Variants in KCNH1 observed in about 807,000 individuals in gnomAD.
KCNH1 encodes voltage-gated delayed rectifier potassium channel KCNH1.
In KCNH1, 27 loss-of-function variants were observed where a neutral mutation model predicts 69.2. That is an observed-to-expected ratio of 0.39 (90% CI 0.29 to 0.54). The LOEUF is 0.54. Among genes scored for constraint, KCNH1 ranks in the 20% least tolerant of loss-of-function variants. KCNH1 has a pLI of 0.68. For synonymous variants in KCNH1, 456 were observed against 487.7 expected, an observed-to-expected ratio of 0.93 and a Z score of 0.86; for missense variants, 798 against 1,261.6, an observed-to-expected ratio of 0.63 and a Z score of 5.57.
At chr1:211,087,625 ACAC>A in intron 4 of KCNH1, among the ~76,000 whole-genome samples, 1 of 100,266 alleles carries the variant, frequency 1.0e-5, no homozygotes, top group Non-Finnish European at 2.2e-5. Context: ...ACACACACAC[ACAC>A]ACACACACAC....
At chr1:210,968,051 T>C (rs915409156) in intron 6 of KCNH1, among the ~76,000 whole-genome samples, 12 of 151,468 alleles carry the variant, frequency 7.9e-5, no homozygotes, top group African/African-American at 9.7e-5. Context: ...CAGAGTGTGA[T>C]ATTCCCCTTC....
intron 5 of KCNH1, among the ~76,000 whole-genome samples, chr1:211,047,275 TATAGGC>T (rs1479058346): frequency 3.9e-5 from 6 of 152,122 alleles, no homozygotes; most frequent in Admixed American, 6.5e-5. Flanking sequence ...CTTAAACAAA[TATAGGC>T]ATTGGTCTCA....
At chr1:211,034,314 A>T (rs2102425973) in intron 5 of KCNH1, among the ~76,000 whole-genome samples, 1 of 152,298 alleles carries the variant, frequency 6.6e-6, no homozygotes, top group Admixed American at 6.5e-5. Context: ...AGACTGAAAA[A>T]AAAACCTCAA....
At chr1:210,806,836 A>ATATATATATATAT (rs59113939) in intron 7 of KCNH1, among the ~76,000 whole-genome samples, 2 of 85,594 alleles carry the variant, frequency 2.3e-5, no homozygotes, top group Admixed American at 1.3e-4. Flanking sequence ...AAAAAAAAAA[A>ATATATATATATAT]ATATATATAT....
chr1:210,946,535 T>G (rs1163957973), intron 6 of KCNH1, among the ~76,000 whole-genome samples: 1 of 152,214 alleles, frequency 6.6e-6, no homozygotes, highest in Non-Finnish European at 1.5e-5. Flanking sequence ...AGAAATGTAC[T>G]GCACAGCCTT....
chr1:210,922,891 A>G (rs531560689), intron 6 of KCNH1, among the ~76,000 whole-genome samples: 2 of 152,120 alleles, frequency 1.3e-5, no homozygotes, highest in Non-Finnish European at 2.9e-5. Flanking sequence ...CCTACTCTCC[A>G]CCTCCTCATA....
At chr1:210,962,082 T>C (rs1021662588) in intron 6 of KCNH1, among the ~76,000 whole-genome samples, 6 of 152,164 alleles carry the variant, frequency 3.9e-5, no homozygotes, top group Non-Finnish European at 8.8e-5. Context: ...TTTGCAGCTC[T>C]CTGCAACTTT....
intron 10 of KCNH1, among the ~76,000 whole-genome samples, chr1:210,690,504 T>G (rs1480331447): frequency 6.6e-6 from 1 of 152,092 alleles, no homozygotes; most frequent in Non-Finnish European, 1.5e-5. Flanking sequence ...CCCTGCCTGG[T>G]TTTATGGCAG....
At chr1:210,775,205 C>T (rs910841006) in intron 10 of KCNH1, 143 bp downstream of exon 10, 13 of 685,096 alleles carry the variant, frequency 1.9e-5, no homozygotes, top group South Asian at 4.0e-5. Flanking sequence ...GCAAAAGCCC[C>T]GCAGAGCAAA....
chr1:211,122,841 G>A (rs1175042295), intron 1 of KCNH1, among the ~76,000 whole-genome samples: 1 of 152,120 alleles, frequency 6.6e-6, no homozygotes, highest in African/African-American at 2.4e-5. Flanking sequence ...GGGGGTAGAA[G>A]GGAGAGAGCT....
rs996923260 is a variant in KCNH1 at position 210,958,704 on chromosome 1, C to G, written c.1033-38635G>C. On this transcript the variant is annotated intron_variant, in intron 6 of 10. Transcript: ENST00000271751. ...CCTTTCTTCCACTTGATCAAATTGG[C>G]TACTGAAGCTTGCGCATGCATCACA... 2.0e-5 allele frequency among the ~76,000 whole-genome samples: 3 copies of G among 152,200 alleles called. No homozygotes were observed. The East Asian group carries it at 5.8e-4, about 29-fold the overall frequency.
intron 7 of KCNH1, among the ~76,000 whole-genome samples, chr1:210,868,692 T>C (rs1285067539): frequency 6.6e-6 from 1 of 152,072 alleles, no homozygotes; most frequent in East Asian, 1.9e-4. Flanking sequence ...ATTTCCCTTT[T>C]ATAGTCACAC....
Position 210,683,002 on chromosome 1 carries a change from T to A in KCNH1, c.*279A>T. ...TACAAATATCATGGTAGTAAAAAAT[T>A]AAAAATGAAGGAAAATACCCTTTAG... On this transcript the variant is annotated 3_prime_UTR_variant, in exon 11 of 11. Coordinates refer to ENST00000271751, the MANE Select transcript of KCNH1 (RefSeq NM_172362.3). This position sits in a 1 kb window ranked among gnomAD's most constrained non-coding sequence, Gnocchi z 5.7. 5.1e-6 allele frequency: 2 copies of A among 393,220 alleles called. No homozygotes were observed. The highest frequency in any genetic ancestry group is 4.2e-5 in the Admixed American group (1 of 23,876). 24.4% of individuals were successfully genotyped at this position (393,220 alleles called of 1,614,324 possible).
intron 3 of KCNH1, among the ~76,000 whole-genome samples, chr1:211,102,404 A>C (rs1691274024): frequency 6.6e-6 from 1 of 152,148 alleles, no homozygotes; most frequent in Non-Finnish European, 1.5e-5. Context: ...AGCCCTTCAC[A>C]GTCTTTCCCT....
intron 5 of KCNH1, among the ~76,000 whole-genome samples, chr1:211,048,443 C>T (rs1319148233): frequency 6.6e-6 from 1 of 152,126 alleles, no homozygotes; most frequent in Non-Finnish European, 1.5e-5. Context: ...AAATGCCCAT[C>T]AGTCAACAAA....
intron 7 of KCNH1, chr1:210,859,259 A>G (rs1332422151): frequency 6.8e-6 from 11 of 1,610,048 alleles, no homozygotes; most frequent in Middle Eastern, 1.6e-4. Flanking sequence ...ATGCTTCTCA[A>G]TCATTTTGGA....
chr1:210,698,530 C>T (rs559590564), intron 10 of KCNH1, among the ~76,000 whole-genome samples: 1 of 152,246 alleles, frequency 6.6e-6, no homozygotes, highest in East Asian at 1.9e-4. Context: ...AAATAAGAAA[C>T]AGCAAGAGAA....
intron 6 of KCNH1, among the ~76,000 whole-genome samples, chr1:210,970,917 C>A (rs1688500588): frequency 6.6e-6 from 1 of 152,046 alleles, no homozygotes; most frequent in Non-Finnish European, 1.5e-5. Context: ...CCAGAATTTA[C>A]AAGGAACTTA....
At chr1:210,890,920 G>A (rs139659247) in intron 7 of KCNH1, among the ~76,000 whole-genome samples, 2,549 of 152,280 alleles carry the variant, frequency 0.017, 67 homozygotes, top group African/African-American at 0.059. Flanking sequence ...TGGAGAATAG[G>A]ACTGCTTTTA....
Sources: gnomAD v4.1 joint callset for allele counts (sites outside exome capture counted in the v4.1 genomes callset) on GRCh38, gnomAD v4.1.1 for gene constraint, Gnocchi (gnomAD v3.1) non-coding constraint, MANE v1.5 for transcripts, NCBI Gene and HGNC (gene_info 2026-07-23, HGNC 2026-07-21) for gene names.